Variants in LCN6 observed in about 807,000 individuals in gnomAD.
LCN6 encodes epididymal-specific lipocalin-6.
Under a neutral mutation model 21.4 loss-of-function variants are expected in LCN6, and 20 were observed. That is an observed-to-expected ratio of 0.93 (90% CI 0.66 to 1.36). The LOEUF (loss-of-function observed/expected upper bound fraction) is 1.36. Among genes scored for constraint, LCN6 ranks in the 40% most tolerant of loss-of-function variants. The pLI, the probability that LCN6 is intolerant of heterozygous loss-of-function variation, is 0.00. For missense variants in LCN6, 217 were observed against 206.6 expected (o/e 1.05, Z -0.31); for synonymous variants, 96 against 89.0 (o/e 1.08, Z -0.44).
At chr9:136,748,263 G>T (rs1818776193) in intron 1 of LCN6, 131 bp downstream of exon 1, 4 of 773,596 alleles carry the variant, frequency 5.2e-6, no homozygotes, top group Non-Finnish European at 6.3e-6. Context: ...GACTCCCCAA[G>T]GGCTGGCCCA....
At position 136,745,028 on chromosome 9, in the gene LCN6, C is replaced by T. The variant is rs75373524; in HGVS notation, c.412+142G>A. The T allele has an allele frequency of 2.6e-4, 209 of 790,770 alleles. 15 individuals carry two copies. The highest frequency in any genetic ancestry group is 6.0e-4 in the Admixed American group (28 of 46,926). The allele number at this position is 790,770 out of a possible 1,614,324, so 49.0% of individuals were successfully genotyped here. A position where few individuals can be genotyped will look rare whatever the true frequency, so the allele number is the denominator to read the frequency against. ...GGCCCACTCACCACACAGCTCCCCA[C>T]ATGGCCCCCGAGCGGCCCACTCACC... is the stretch of plus-strand genomic sequence containing the variant. On this transcript the variant is annotated intron_variant, in intron 4 of 6. Coordinates refer to ENST00000341206, the MANE Select transcript of LCN6 (RefSeq NM_198946.3).
rs2131075296 is a variant in LCN6 at position 136,744,499 on chromosome 9, C to G, written c.*23-135G>C. 1 of 574,324 alleles carries G rather than the reference C, an allele frequency of 1.7e-6. No homozygotes were observed. The highest frequency in any genetic ancestry group is 2.3e-5 in the South Asian group (1 of 42,876). 35.6% of individuals were successfully genotyped at this position (574,324 alleles called of 1,614,324 possible). On this transcript the variant is annotated intron_variant, in intron 5 of 6. Coordinates refer to ENST00000341206, the MANE Select transcript of LCN6 (RefSeq NM_198946.3). The surrounding 1 kb of genome is among the most constrained non-coding windows in gnomAD (Gnocchi z 4.2). The stretch of plus-strand genomic sequence containing the variant: ...TTGGGCAGGGGCAGGTGAAGACCCC[C>G]TCAGCCTGCCTGACTCCTTCAGGGC...
chr9:136,745,787 G>A, intron 3 of LCN6, 57 bp downstream of exon 3: 3 of 1,480,572 alleles, frequency 2.0e-6, no homozygotes, highest in South Asian at 1.1e-5. Context: ...CCCGCAGGGG[G>A]CCTGGGGATG....
Position 136,745,153 on chromosome 9 carries a change from C to A in LCN6, c.412+17G>T. On this transcript the variant is annotated intron_variant, in intron 4 of 6. Transcript: ENST00000341206. ...CACCACACAGCTCCCTACGTGGGCC[C>A]CGCACAGCACACTTACTGTACAGCT... 6.5e-7 allele frequency: 1 copy of A among 1,531,790 alleles called. No homozygotes were observed. Among genetic ancestry groups the A allele is most frequent in the Admixed American group, 1.7e-5 (1 of 59,646 alleles). The allele number at this position is 1,531,790 out of a possible 1,614,324, so 94.9% of individuals were successfully genotyped here.
intron 1 of LCN6, 36 bp from the exon 2 acceptor site, chr9:136,747,599 C>T (rs1468195992): frequency 2.5e-6 from 4 of 1,586,846 alleles, no homozygotes; most frequent in Admixed American, 3.4e-5. Context: ...GCCGCCAGCC[C>T]TCCAGCCTCC....
At chr9:136,746,000 G>A (rs1847032168) in intron 2 of LCN6, 86 bp from the exon 3 acceptor site, 3 of 1,199,808 alleles carry the variant, frequency 2.5e-6, no homozygotes. Flanking sequence ...TCCAGGCCAG[G>A]CCAGCCAGCA....
intron 2 of LCN6, among the ~76,000 whole-genome samples, chr9:136,746,244 TCGCCCGTG>T (rs1319683707): frequency 9.0e-6 from 1 of 111,384 alleles, no homozygotes; most frequent in Admixed American, 9.7e-5. Context: ...GGGTGGGGGT[TCGCCCGTG>T]ACTCAGGGGA....
Position 136,744,505 on chromosome 9 carries a change from C to T in LCN6, c.*22+135G>A. The T allele has an allele frequency of 1.7e-6, 1 of 583,308 alleles. No individual in the cohort carries two copies. Among genetic ancestry groups the T allele is most frequent in the South Asian group, 2.3e-5 (1 of 43,396 alleles). 36.1% of individuals were successfully genotyped at this position (583,308 alleles called of 1,614,324 possible). A position where few individuals can be genotyped will look rare whatever the true frequency, so the allele number is the denominator to read the frequency against. On this transcript the variant is annotated intron_variant, in intron 5 of 6. Coordinates refer to ENST00000341206, the MANE Select transcript of LCN6 (RefSeq NM_198946.3). This position sits in a 1 kb window ranked among gnomAD's most constrained non-coding sequence, Gnocchi z 4.2. Reference sequence around the variant, plus strand: ...AGGGGCAGGTGAAGACCCCCTCAGCCTGCCTGACTCCTTCAGGGCGACTGA... The same window carrying T: ...AGGGGCAGGTGAAGACCCCCTCAGCTTGCCTGACTCCTTCAGGGCGACTGA...
chr9:136,747,789 TCCAACCCTCCCGCC>T (rs1847067619), intron 1 of LCN6, among the ~76,000 whole-genome samples: 2 of 87,706 alleles, frequency 2.3e-5, no homozygotes, highest in African/African-American at 8.7e-5. Flanking sequence ...GCCTCCAGTC[TCCAACCCTCCCGCC>T]CTCCAGCCTC....
rs1564327582 is a variant in LCN6, at chr9:136,747,681, A to ATCT, written c.91-119_91-118insAGA. On this transcript the variant is annotated intron_variant, in intron 1 of 6. Coordinates refer to ENST00000341206, the MANE Select transcript of LCN6 (RefSeq NM_198946.3). ...CTCCAGCCTCAGCCTCCACCCTCCA[A>ATCT]CCATCCAGCCCTCCAGCCTCCAGCC... The ATCT allele has an allele frequency of 8.8e-4, 648 of 738,098 alleles. 28 individuals are homozygous for ATCT. In the African/African-American group the frequency reaches 0.02, roughly 22 times the overall value. 45.7% of individuals were successfully genotyped at this position (738,098 alleles called of 1,614,324 possible).
At chr9:136,748,189 T>C (rs1847076303) in intron 1 of LCN6, among the ~76,000 whole-genome samples, 1 of 151,308 alleles carries the variant, frequency 6.6e-6, no homozygotes, top group South Asian at 2.1e-4. Context: ...CCTCCAATTC[T>C]CCAGCCCTCC....
Position 136,744,803 on chromosome 9 carries a change from G to A in LCN6, c.413-62C>T, listed in dbSNP as rs1238160330. ...CTGAGAGCTGGGGAGGGGCCGGGGA[G>A]GGGCTGGGAAGGGTCAGGAAGGAGG... On this transcript the variant is annotated intron_variant, in intron 4 of 6. Transcript: ENST00000341206. This position sits in a 1 kb window ranked among gnomAD's most constrained non-coding sequence, Gnocchi z 4.2. 12 of 1,207,466 alleles carry A rather than the reference G, an allele frequency of 9.9e-6. No individual in the cohort carries two copies. Among genetic ancestry groups the A allele is most frequent in the Non-Finnish European group, 1.4e-5 (12 of 832,136 alleles). 74.8% of individuals were successfully genotyped at this position (1,207,466 alleles called of 1,614,324 possible).
intron 1 of LCN6, 136 bp downstream of exon 1, chr9:136,748,258 C>T (rs889172446): frequency 5.3e-6 from 4 of 753,146 alleles, no homozygotes; most frequent in Non-Finnish European, 8.7e-6. Flanking sequence ...TGTGGGACTC[C>T]CCAAGGGCTG....
chr9:136,744,406 C>T lies in LCN6; in HGVS notation c.*23-42G>A. 1 of 457,382 alleles carries T rather than the reference C, an allele frequency of 2.2e-6. No homozygotes were observed. The highest frequency in any genetic ancestry group is 4.0e-6 in the Non-Finnish European group (1 of 252,518). The allele number at this position is 457,382 out of a possible 1,614,324, so 28.3% of individuals were successfully genotyped here. A position where few individuals can be genotyped will look rare whatever the true frequency, so the allele number is the denominator to read the frequency against. On this transcript the variant is annotated intron_variant, in intron 5 of 6. Coordinates refer to ENST00000341206, the MANE Select transcript of LCN6 (RefSeq NM_198946.3). The surrounding 1 kb of genome is among the most constrained non-coding windows in gnomAD (Gnocchi z 4.2). ...GACTGGCTGTGAAAAAGGACTGAGC[C>T]CCCCAGCACCCCAGGGCCCCACCCA...
At chr9:136,745,708 G>C (rs1218212030) in intron 3 of LCN6, 136 bp downstream of exon 3, 2 of 762,776 alleles carry the variant, frequency 2.6e-6, no homozygotes, top group African/African-American at 1.7e-5. Flanking sequence ...CCTCAGGATG[G>C]GCAGCAATCC....
Position 136,747,489 on chromosome 9 carries a change from G to A in LCN6, c.165C>T (p.Asn55=), listed in dbSNP as rs746529792. Residue 55 remains asparagine, a synonymous_variant, in exon 2 of 7, where the codon AAC becomes AAT. Coordinates refer to ENST00000341206, the MANE Select transcript of LCN6 (RefSeq NM_198946.3). ...TGAGGGTCACCACCACCCCCACGAC[G>A]TTCTTCATGTCCTTCTCCATGGCAA... is the stretch of plus-strand genomic sequence containing the variant. The part of the protein sequence containing the change: ...KGFAMEKDMK[N]VVGVVVTLTP... 12 of 1,613,544 alleles carry A rather than the reference G, an allele frequency of 7.4e-6. No homozygotes were observed. The East Asian group carries it at 2.2e-4, about 30-fold the overall frequency.
chr9:136,745,993 A>T, intron 2 of LCN6, 79 bp from the exon 3 acceptor site: 1 of 1,243,626 alleles, frequency 8.0e-7, no homozygotes, highest in Non-Finnish European at 1.2e-6. Flanking sequence ...TCAGGAGTCC[A>T]GGCCAGGCCA....
At position 136,744,802 on chromosome 9, in the gene LCN6, A is replaced by C; in HGVS notation, c.413-61T>G. On this transcript the variant is annotated intron_variant, in intron 4 of 6. Coordinates refer to ENST00000341206, the MANE Select transcript of LCN6 (RefSeq NM_198946.3). This position sits in a 1 kb window ranked among gnomAD's most constrained non-coding sequence, Gnocchi z 4.2. ...TCTGAGAGCTGGGGAGGGGCCGGGG[A>C]GGGGCTGGGAAGGGTCAGGAAGGAG... 5 of 658,236 alleles carry C rather than the reference A, an allele frequency of 7.6e-6. No homozygotes were observed. Among genetic ancestry groups the C allele is most frequent in the Non-Finnish European group, 1.1e-5 (4 of 370,258 alleles). The allele number at this position is 658,236 out of a possible 1,614,324, so 40.8% of individuals were successfully genotyped here. A position where few individuals can be genotyped will look rare whatever the true frequency, so the allele number is the denominator to read the frequency against.
At position 136,748,523 on chromosome 9, in the gene LCN6, A is replaced by G. The variant is rs759068350; in HGVS notation, c.-40T>C. ...ACTGCGCCGCAGGCCCAGGATGTGC[A>G]GTCCCTCCAGGCCCTGGAGACCCGT... On this transcript the variant is annotated 5_prime_UTR_variant, in exon 1 of 7. Coordinates refer to ENST00000341206, the MANE Select transcript of LCN6 (RefSeq NM_198946.3). 1.3e-6 allele frequency: 2 copies of G among 1,587,888 alleles called. No individual in the cohort carries two copies. Among genetic ancestry groups the G allele is most frequent in the East Asian group, 4.5e-5 (2 of 44,448 alleles).
Sources: allele counts gnomAD v4.1 joint callset (sites outside exome capture counted in the v4.1 genomes callset), GRCh38; gene constraint gnomAD v4.1.1; non-coding constraint Gnocchi (gnomAD v3.1); transcripts MANE v1.5; gene names NCBI Gene and HGNC (gene_info 2026-07-23, HGNC 2026-07-21).